The following CNTN5 variants were observed in gnomAD, a reference collection of about 807,000 sequenced individuals.
CNTN5 encodes contactin-5.
A neutral mutation model predicts 129.1 loss-of-function variants in CNTN5; 77 were observed. The ratio of observed to expected loss-of-function variants is 0.60; its 90% CI spans 0.50 to 0.72. CNTN5 has a LOEUF of 0.72. CNTN5 is among the 30% of genes least tolerant of loss of function. The pLI is 0.00. For synonymous variants in CNTN5, 509 were observed against 465.6 expected (o/e 1.09, Z -1.20); for missense variants, 1,478 against 1,328.8 (o/e 1.11, Z -1.75).
intron 3 of CNTN5, among the ~76,000 whole-genome samples, chr11:99,773,671 A>T (rs1323565339): frequency 6.6e-6 from 1 of 152,008 alleles, no homozygotes; most frequent in African/African-American, 2.4e-5. Context: ...TAAAGTGATA[A>T]TAGTAATATT....
At chr11:99,319,096 A>G (rs1865458916) in intron 1 of CNTN5, among the ~76,000 whole-genome samples, 1 of 152,162 alleles carries the variant, frequency 6.6e-6, no homozygotes, top group Non-Finnish European at 1.5e-5. Flanking sequence ...GGAAAAAGCA[A>G]AACAAAACAA....
At chr11:99,652,262 T>C (rs1246367007) in intron 3 of CNTN5, among the ~76,000 whole-genome samples, 1 of 152,072 alleles carries the variant, frequency 6.6e-6, no homozygotes, top group Non-Finnish European at 1.5e-5. Context: ...CTTAGTCATA[T>C]AGCCCCCTCT....
chr11:99,552,636 G>A (rs890913231), intron 2 of CNTN5, among the ~76,000 whole-genome samples: 4 of 152,156 alleles, frequency 2.6e-5, no homozygotes, highest in Admixed American at 2.6e-4. Flanking sequence ...AGAGGACACA[G>A]TATGTGCTTG....
chr11:99,717,413 G>T (rs191096984), intron 3 of CNTN5, among the ~76,000 whole-genome samples: 1 of 152,132 alleles, frequency 6.6e-6, no homozygotes, highest in African/African-American at 2.4e-5. Flanking sequence ...GGAAGTTATT[G>T]CTAGGAGTTA....
rs564569061 is a variant in CNTN5, at chr11:99,168,130, G to A, written c.-210+146860G>A. 7.9e-5 allele frequency among the ~76,000 whole-genome samples: 12 copies of A among 152,120 alleles called. 1 individual carries two copies. The South Asian group carries it at 1.9e-3, about 24-fold the overall frequency. On this transcript the variant is annotated intron_variant, in intron 1 of 24. Transcript: ENST00000524871. ...GCTATTTTTTAATATTTTTTGTAGC[G>A]ACAGACTTCCACCATGTTGCCCAGG...
Position 99,616,045 on chromosome 11 carries a change from C to T in CNTN5, c.55+59776C>T, listed in dbSNP as rs559358489. Among the ~76,000 whole-genome samples, 5 of 152,164 alleles carry T rather than the reference C, an allele frequency of 3.3e-5. No homozygotes were observed. The East Asian group carries it at 9.7e-4, about 29-fold the overall frequency. ...GCCACCATGACTGGCCTAGATTTCA[C>T]ATGTTCTACACCTGTTCTGTATACA... On this transcript the variant is annotated intron_variant, in intron 3 of 24. Coordinates refer to ENST00000524871, the MANE Select transcript of CNTN5 (RefSeq NM_014361.4).
At chr11:100,062,202 G>A (rs1315462053) in intron 10 of CNTN5, among the ~76,000 whole-genome samples, 1 of 152,116 alleles carries the variant, frequency 6.6e-6, no homozygotes, top group Admixed American at 6.6e-5. Context: ...CTAGAGCATT[G>A]AAATAAGCAA....
At chr11:99,674,345 G>T (rs991836885) in intron 3 of CNTN5, among the ~76,000 whole-genome samples, 2 of 151,608 alleles carry the variant, frequency 1.3e-5, no homozygotes, top group South Asian at 4.1e-4. Context: ...ATAGATGCTC[G>T]ATTTTAGACC....
Position 99,784,805 on chromosome 11 carries a change from T to G in CNTN5, c.56-34739T>G, listed in dbSNP as rs866498236. Among the ~76,000 whole-genome samples the G allele has an allele frequency of 9.4e-3, 1,388 of 147,438 alleles. 28 individuals are homozygous for G. The highest frequency in any genetic ancestry group is 0.033 in the African/African-American group (1,300 of 39,936). ...ATGGTATCTCATTGTGTTTTTTTTT[T>G]TTTTTTTTTTTTGAGATGGGGTCTT... On this transcript the variant is annotated intron_variant, in intron 3 of 24. Transcript: ENST00000524871.
intron 2 of CNTN5, among the ~76,000 whole-genome samples, chr11:99,482,959 A>G (rs1481541342): frequency 6.6e-6 from 1 of 152,076 alleles, no homozygotes; most frequent in Non-Finnish European, 1.5e-5. Flanking sequence ...GTGGATCACT[A>G]GATCAAGAGA....
intron 14 of CNTN5, among the ~76,000 whole-genome samples, chr11:100,192,063 G>T (rs1280674357): frequency 1.3e-5 from 2 of 151,956 alleles, no homozygotes; most frequent in East Asian, 3.9e-4. Flanking sequence ...TAAAATACCA[G>T]TACTCTGATA....
chr11:99,787,267 A>T (rs1461325067), intron 3 of CNTN5, among the ~76,000 whole-genome samples: 1 of 151,658 alleles, frequency 6.6e-6, no homozygotes, highest in Non-Finnish European at 1.5e-5. Flanking sequence ...GAAAGAGGAG[A>T]GAATGTGTTA....
intron 2 of CNTN5, among the ~76,000 whole-genome samples, chr11:99,391,738 G>A (rs1474432785): frequency 1.3e-5 from 2 of 151,974 alleles, no homozygotes; most frequent in African/African-American, 4.8e-5. Context: ...TAAGAATTTA[G>A]TATAAGGGTA....
At chr11:99,286,497 G>A (rs1863946236) in intron 1 of CNTN5, among the ~76,000 whole-genome samples, 1 of 152,168 alleles carries the variant, frequency 6.6e-6, no homozygotes, top group Non-Finnish European at 1.5e-5. Context: ...TATGGACTTA[G>A]TAGGAGACTT....
chr11:99,464,123 T>C (rs1178108443), intron 2 of CNTN5, among the ~76,000 whole-genome samples: 1 of 152,192 alleles, frequency 6.6e-6, no homozygotes, highest in Non-Finnish European at 1.5e-5. Context: ...GGAGAACACA[T>C]TGTGGCTTAT....
intron 9 of CNTN5, among the ~76,000 whole-genome samples, chr11:100,031,844 C>G (rs1941727197): frequency 6.6e-6 from 1 of 152,106 alleles, no homozygotes. Context: ...ATCAAATGAT[C>G]CTAAATCCCT....
intron 19 of CNTN5, among the ~76,000 whole-genome samples, chr11:100,298,874 A>G (rs1465182488): frequency 6.6e-6 from 1 of 151,434 alleles, no homozygotes; most frequent in Non-Finnish European, 1.5e-5. Flanking sequence ...TCTTCATTTC[A>G]TATACATGAC....
At chr11:99,508,830 C>A (rs748416164) in intron 2 of CNTN5, among the ~76,000 whole-genome samples, 4 of 151,642 alleles carry the variant, frequency 2.6e-5, no homozygotes, top group Non-Finnish European at 5.9e-5. Context: ...TACAGGCATG[C>A]GCCACAATGC....
At chr11:99,213,269 AATAT>A (rs1565407817) in intron 1 of CNTN5, among the ~76,000 whole-genome samples, 1 of 145,954 alleles carries the variant, frequency 6.9e-6, no homozygotes, top group Non-Finnish European at 1.5e-5. Flanking sequence ...ATATATATAA[AATAT>A]ATATACATAT....
Sources: gnomAD v4.1 joint callset for allele counts (sites outside exome capture counted in the v4.1 genomes callset) on GRCh38, gnomAD v4.1.1 for gene constraint, MANE v1.5 for transcripts, NCBI Gene and HGNC (gene_info 2026-07-23, HGNC 2026-07-21) for gene names.